INPP5A: variants seen among roughly 807,000 people sequenced by gnomAD.
INPP5A encodes the protein inositol polyphosphate-5-phosphatase A.
In INPP5A, 14 loss-of-function variants were observed where a neutral mutation model predicts 65.2. The ratio of observed to expected loss-of-function variants is 0.21; its 90% CI spans 0.14 to 0.34. INPP5A has a LOEUF of 0.34. Among genes scored for constraint, INPP5A ranks in the 10% least tolerant of loss-of-function variants. INPP5A has a pLI of 1.00. For missense variants in INPP5A, 431 were observed against 545.6 expected (o/e 0.79, Z 2.09); for synonymous variants, 207 against 208.3 (o/e 0.99, Z 0.05).
chr10:132,725,153 A>C (rs2134577840), intron 8 of INPP5A, among the ~76,000 whole-genome samples: 1 of 152,386 alleles, frequency 6.6e-6, no homozygotes, highest in South Asian at 2.1e-4. Flanking sequence ...GAACAGGTGA[A>C]ATCGGGAGAA....
At chr10:132,539,880 GCTGTTTTT>G (rs1243570819) in intron 1 of INPP5A, among the ~76,000 whole-genome samples, 1 of 152,224 alleles carries the variant, frequency 6.6e-6, no homozygotes, top group Non-Finnish European at 1.5e-5. Context: ...AACAAAAGGC[GCTGTTTTT>G]CTGTTTTTCT....
At chr10:132,606,057 A>G (rs1386909772) in intron 1 of INPP5A, among the ~76,000 whole-genome samples, 3 of 152,108 alleles carry the variant, frequency 2.0e-5, no homozygotes, top group African/African-American at 7.2e-5. Context: ...AGGTGCACAC[A>G]GTGAACGGTG....
At position 132,762,711 on chromosome 10, in the gene INPP5A, T is replaced by C. The variant is rs1004541460; in HGVS notation, c.904-3062T>C. Among the ~76,000 whole-genome samples, 1 of 152,104 alleles carries C rather than the reference T, an allele frequency of 6.6e-6. No individual in the cohort carries two copies. The highest frequency in any genetic ancestry group is 1.5e-5 in the Non-Finnish European group (1 of 68,016). ...TGTGGACTCATGCATGGCGGTAATA[T>C]AGAAACATACTTGGGGCTGGGCACG... On this transcript the variant is annotated intron_variant, in intron 11 of 15. Coordinates refer to ENST00000368594, the MANE Select transcript of INPP5A (RefSeq NM_005539.5). The surrounding 1 kb of genome is among the most constrained non-coding windows in gnomAD (Gnocchi z 4.6).
intron 7 of INPP5A, 40 bp from the exon 8 acceptor site, chr10:132,710,297 C>T (rs1447745580): frequency 1.2e-6 from 2 of 1,605,744 alleles, no homozygotes; most frequent in Admixed American, 1.7e-5. Flanking sequence ...CCCGGAGGCT[C>T]CGGCCCTTGG....
At chr10:132,760,842 G>C (rs971387146) in intron 11 of INPP5A, among the ~76,000 whole-genome samples, 3 of 152,218 alleles carry the variant, frequency 2.0e-5, no homozygotes, top group African/African-American at 7.2e-5. Flanking sequence ...GAAGCCCCAG[G>C]TCTAACTCTG....
intron 9 of INPP5A, among the ~76,000 whole-genome samples, chr10:132,736,318 G>A (rs146679093): frequency 1.3e-5 from 2 of 152,360 alleles, no homozygotes; most frequent in East Asian, 1.9e-4. Flanking sequence ...CACGCGGCCC[G>A]ACCGCACACC....
chr10:132,597,025 A>G (rs952206394), intron 1 of INPP5A, among the ~76,000 whole-genome samples: 3 of 129,590 alleles, frequency 2.3e-5, no homozygotes, highest in Admixed American at 7.5e-5. Flanking sequence ...ACGTGTGTGC[A>G]TGTGTGCATG....
At chr10:132,730,425 A>G (rs899566439) in intron 9 of INPP5A, among the ~76,000 whole-genome samples, 1 of 152,204 alleles carries the variant, frequency 6.6e-6, no homozygotes, top group Non-Finnish European at 1.5e-5. Context: ...AGGGGGCGCC[A>G]TCTGCTGCAG....
In INPP5A at chr10:132,708,372, G is replaced by C; in HGVS notation, c.527+7G>C. The C allele has an allele frequency of 1.9e-6, 3 of 1,613,344 alleles. No individual in the cohort carries two copies. Among genetic ancestry groups the C allele is most frequent in the African/African-American group, 2.7e-5 (2 of 75,014 alleles). The stretch of plus-strand genomic sequence containing the variant: ...GGTGGTGCATTGCAGACTGGTACGT[G>C]GTGTCTGTGCTTTGTCAATTTCCAT... On this transcript the variant is annotated splice_region_variant and intron_variant, in intron 7 of 15. Coordinates refer to ENST00000368594, the MANE Select transcript of INPP5A (RefSeq NM_005539.5).
chr10:132,691,829 GT>G (rs1392760394), intron 5 of INPP5A, among the ~76,000 whole-genome samples: 4 of 147,884 alleles, frequency 2.7e-5, no homozygotes, highest in Non-Finnish European at 6.1e-5. Flanking sequence ...CGGGAGACGT[GT>G]GGTCGCGGGA....
At chr10:132,708,772 C>T (rs1046855334) in intron 7 of INPP5A, among the ~76,000 whole-genome samples, 1 of 152,200 alleles carries the variant, frequency 6.6e-6, no homozygotes. Context: ...ACAGACGTAG[C>T]GGAGCCTGCG....
At chr10:132,553,838 G>A (rs1020164540) in intron 1 of INPP5A, among the ~76,000 whole-genome samples, 1 of 147,742 alleles carries the variant, frequency 6.8e-6, no homozygotes, top group African/African-American at 2.5e-5. Context: ...TAGGGAGGGA[G>A]GATTGGTGAA....
intron 11 of INPP5A, among the ~76,000 whole-genome samples, chr10:132,763,091 C>T (rs544412003): frequency 2.6e-5 from 4 of 152,346 alleles, no homozygotes; most frequent in African/African-American, 7.2e-5. Context: ...GAGATCTGAT[C>T]CCCTCCTGCC....
At chr10:132,577,414 A>C (rs951742713) in intron 1 of INPP5A, among the ~76,000 whole-genome samples, 1 of 152,220 alleles carries the variant, frequency 6.6e-6, no homozygotes, top group Non-Finnish European at 1.5e-5. Context: ...GCATTCCTGT[A>C]TCTGTGATTT....
At position 132,776,756 on chromosome 10, in the gene INPP5A, C is replaced by T. The variant is rs185210241; in HGVS notation, c.978-915C>T. On this transcript the variant is annotated intron_variant, in intron 12 of 15. Transcript: ENST00000368594. ...TGGGTTTGCAGCCTGATGGGTGGGT[C>T]GGGCCCCCTGAGAACCTGCAGGCCC... 2.1e-3 allele frequency among the ~76,000 whole-genome samples: 318 copies of T among 152,258 alleles called. 3 individuals are homozygous for T. The highest frequency in any genetic ancestry group is 6.3e-3 in the African/African-American group (260 of 41,554).
At chr10:132,760,350 C>T (rs541461362) in intron 11 of INPP5A, among the ~76,000 whole-genome samples, 86 of 152,336 alleles carry the variant, frequency 5.6e-4, no homozygotes, top group African/African-American at 1.9e-3. Context: ...GACGCTGTGC[C>T]GCACGCCTGC....
intron 1 of INPP5A, among the ~76,000 whole-genome samples, chr10:132,597,146 CATGT>C (rs557470679): frequency 1.8e-3 from 275 of 152,122 alleles, no homozygotes; most frequent in Non-Finnish European, 3.1e-3. Flanking sequence ...TGTGTGCATG[CATGT>C]GTGTGAGTGT....
rs955022454 is a variant in INPP5A at position 132,549,603 on chromosome 10, C to T, written c.75+11432C>T. Among the ~76,000 whole-genome samples the T allele has an allele frequency of 6.6e-6, 1 of 152,222 alleles. No homozygotes were observed. The highest frequency in any genetic ancestry group is 2.4e-5 in the African/African-American group (1 of 41,454). Reference sequence around the variant, plus strand: ...CCTCTGCTACGAGGCTCCCGCTTGCCTGGCAGGTGGCAGGTGTGATGAGCA... The same window carrying T: ...CCTCTGCTACGAGGCTCCCGCTTGCTTGGCAGGTGGCAGGTGTGATGAGCA... On this transcript the variant is annotated intron_variant, in intron 1 of 15. Transcript: ENST00000368594. The surrounding 1 kb of genome is among the most constrained non-coding windows in gnomAD (Gnocchi z 4.9).
intron 7 of INPP5A, 129 bp downstream of exon 7, chr10:132,708,494 A>G (rs770174325): frequency 3.5e-6 from 3 of 851,704 alleles, no homozygotes; most frequent in South Asian, 2.8e-5. Context: ...CAGCTGCCTG[A>G]CCCCCACCTG....
Sources: allele counts gnomAD v4.1 joint callset (sites outside exome capture counted in the v4.1 genomes callset), GRCh38; gene constraint gnomAD v4.1.1; non-coding constraint Gnocchi (gnomAD v3.1); transcripts MANE v1.5; gene names NCBI Gene and HGNC (gene_info 2026-07-23, HGNC 2026-07-21).